VXN: variants seen among roughly 807,000 people sequenced by gnomAD.
VXN encodes vexin.
VXN carries 7 observed loss-of-function variants against 23.1 expected under a neutral mutation model. That is an observed-to-expected ratio of 0.30 (90% CI 0.17 to 0.57). VXN has a LOEUF of 0.57. Ranked by LOEUF, VXN falls within the 20% of genes least tolerant of loss-of-function variation. The pLI, the probability that VXN is intolerant of heterozygous loss-of-function variation, is 0.91. For missense variants in VXN, 238 were observed against 272.6 expected (o/e 0.87, Z 0.89); for synonymous variants, 120 against 105.8 (o/e 1.13, Z -0.83).
chr8:66,501,412 G>C (rs1375707405), intron 2 of VXN: 2 of 152,138 alleles, frequency 1.3e-5, no homozygotes, highest in Non-Finnish European at 2.9e-5. Context: ...TCCTTCTCAT[G>C]GTCCCTGAAA....
In VXN at chr8:66,516,223, A is replaced by G. The variant is rs1807894284; in HGVS notation, c.*147A>G. 3.2e-6 allele frequency: 2 copies of G among 628,182 alleles called. No individual in the cohort carries two copies. Among genetic ancestry groups the G allele is most frequent in the Non-Finnish European group, 5.0e-6 (2 of 398,578 alleles). 38.9% of individuals were successfully genotyped at this position (628,182 alleles called of 1,614,324 possible). ...CCTCACTCATTGATTACCCTGGGAT[A>G]GGGCACAGGAAAGAAATGTCCCTCG... On this transcript the variant is annotated 3_prime_UTR_variant, in exon 6 of 6. Transcript: ENST00000305454.
chr8:66,509,485 G>A (rs972367748), intron 3 of VXN, among the ~76,000 whole-genome samples: 4 of 152,136 alleles, frequency 2.6e-5, no homozygotes, highest in African/African-American at 7.2e-5. Flanking sequence ...TCCATGTTAT[G>A]GGGCTGCACT....
chr8:66,505,487 G>A lies in VXN; in HGVS notation c.239G>A (p.Arg80Gln), dbSNP rs1412366613. 2 of 1,565,058 alleles carry A rather than the reference G, an allele frequency of 1.3e-6. No homozygotes were observed. The highest frequency in any genetic ancestry group is 2.3e-5 in the East Asian group (1 of 43,344). ...AGGTTTGGGCGGCTCCAGACCGCGCGGCCGCCCACAGCCCACCCGGCCAAA... is the reference window on the plus strand; with the variant it reads ...AGGTTTGGGCGGCTCCAGACCGCGCAGCCGCCCACAGCCCACCCGGCCAAA... ...RRRFGRLQTA[R>Q]PPTAHPAKAS... The change falls in exon 3 of 6, where the codon CGG (arginine) becomes CAG (glutamine). Residue 80 changes from arginine (R) to glutamine (Q), a missense_variant. Around this residue, in one of 2 missense-constraint regions of VXN, gnomAD observed 223 missense variants for 236.9 expected, o/e 0.94. Transcript: ENST00000305454.
chr8:66,502,643 A>T lies in VXN; in HGVS notation c.127-2732A>T, dbSNP rs543461042. On this transcript the variant is annotated intron_variant, in intron 2 of 5. Transcript: ENST00000305454. ...GCGCCTGTAGTCCTAGCTACTTGAG[A>T]GGCTGAGGCAGGAGAATTGCCTGAA... Among the ~76,000 whole-genome samples, 127 of 152,240 alleles carry T rather than the reference A, an allele frequency of 8.3e-4. 2 individuals carry two copies. The highest frequency in any genetic ancestry group is 1.7e-3 in the South Asian group (8 of 4,820).
intron 2 of VXN, among the ~76,000 whole-genome samples, chr8:66,502,879 C>T (rs1258043807): frequency 6.6e-6 from 1 of 150,908 alleles, no homozygotes; most frequent in Non-Finnish European, 1.5e-5. Flanking sequence ...TGGGGTCTCA[C>T]TCTGTCCCCC....
At chr8:66,510,331 TG>T (rs987769184) in intron 4 of VXN, 174 bp downstream of exon 4, 9 of 586,922 alleles carry the variant, frequency 1.5e-5, no homozygotes, top group African/African-American at 1.5e-4. Flanking sequence ...GGCCCTAATT[TG>T]TACCCTTGTG....
Position 66,513,524 on chromosome 8 carries a change from C to A in VXN, c.343-16C>A. ...GCAGATGCATCCTCACACTCCCTCC[C>A]GCTTCCTCATGACAGATACCGCCAG... On this transcript the variant is annotated splice_polypyrimidine_tract_variant and intron_variant, in intron 4 of 5. Coordinates refer to ENST00000305454, the MANE Select transcript of VXN (RefSeq NM_152765.4). 6.2e-7 allele frequency: 1 copy of A among 1,610,988 alleles called. No homozygotes were observed. Among genetic ancestry groups the A allele is most frequent in the Non-Finnish European group, 8.5e-7 (1 of 1,177,214 alleles).
intron 3 of VXN, among the ~76,000 whole-genome samples, chr8:66,506,405 C>T (rs1230318022): frequency 1.3e-5 from 2 of 151,560 alleles, no homozygotes; most frequent in South Asian, 2.1e-4. Context: ...TATAGTTTTA[C>T]CTTGGATGCT....
Position 66,517,751 on chromosome 8 carries a change from T to C in VXN, c.*1675T>C, listed in dbSNP as rs1807914101. 1 of 152,272 alleles carries C rather than the reference T, an allele frequency of 6.6e-6. No homozygotes were observed. Among genetic ancestry groups the C allele is most frequent in the Non-Finnish European group, 1.5e-5 (1 of 68,038 alleles). 9.4% of individuals were successfully genotyped at this position (152,272 alleles called of 1,614,324 possible). On this transcript the variant is annotated 3_prime_UTR_variant, in exon 6 of 6. Transcript: ENST00000305454. Reference sequence around the variant, plus strand: ...GCCCACTTAATAAAACCAGAGATCCTATGGGAAATTTAGCCTAAGACAGTG... The same window carrying C: ...GCCCACTTAATAAAACCAGAGATCCCATGGGAAATTTAGCCTAAGACAGTG...
In VXN at chr8:66,516,088, T is replaced by C; in HGVS notation, c.*12T>C. 6.3e-7 allele frequency: 1 copy of C among 1,594,980 alleles called. No homozygotes were observed. Among genetic ancestry groups the C allele is most frequent in the Non-Finnish European group, 8.5e-7 (1 of 1,173,600 alleles). ...TTGAGGCCGACTAAAGGTGACCCTCTTCAAGTGCCCTGTGTTGGCCAAGGT... is the reference window on the plus strand; with the variant it reads ...TTGAGGCCGACTAAAGGTGACCCTCCTCAAGTGCCCTGTGTTGGCCAAGGT... On this transcript the variant is annotated 3_prime_UTR_variant, in exon 6 of 6. Transcript: ENST00000305454.
At chr8:66,504,138 C>T (rs1444965662) in intron 2 of VXN, among the ~76,000 whole-genome samples, 1 of 152,158 alleles carries the variant, frequency 6.6e-6, no homozygotes, top group Non-Finnish European at 1.5e-5. Context: ...TCCCCATTCT[C>T]CCTCCCCACT....
intron 5 of VXN, 66 bp downstream of exon 5, chr8:66,513,703 A>G (rs1390315906): frequency 7.2e-7 from 1 of 1,395,764 alleles, no homozygotes. Flanking sequence ...CCTTCCCCAG[A>G]AGAGCACCAG....
chr8:66,510,369 C>G, intron 4 of VXN: 1 of 511,352 alleles, frequency 2.0e-6, no homozygotes, highest in Non-Finnish European at 3.4e-6. Flanking sequence ...TTCTCTCTTT[C>G]TTGTGAGAAA....
At chr8:66,515,843 T>C in intron 5 of VXN, 50 bp from the exon 6 acceptor site, 1 of 1,466,934 alleles carries the variant, frequency 6.8e-7, no homozygotes, top group Non-Finnish European at 9.1e-7. Context: ...AAAATGAAGT[T>C]TGGCTTGTGA....
chr8:66,517,546 G>A lies in VXN; in HGVS notation c.*1470G>A, dbSNP rs1406587101. 6.6e-6 allele frequency: 1 copy of A among 152,226 alleles called. No individual in the cohort carries two copies. The highest frequency in any genetic ancestry group is 1.5e-5 in the Non-Finnish European group (1 of 68,038). The allele number at this position is 152,226 out of a possible 1,614,324, so 9.4% of individuals were successfully genotyped here. A position where few individuals can be genotyped will look rare whatever the true frequency, so the allele number is the denominator to read the frequency against. On this transcript the variant is annotated 3_prime_UTR_variant, in exon 6 of 6. Transcript: ENST00000305454. ...ATCCCAAACACTAAACATGATTGAT[G>A]GGTAGAGGCTGCCCGAAGTACTGTG...
In VXN at chr8:66,512,065, CAAAAAAAAAA is replaced by C. The variant is rs35689084; in HGVS notation, c.343-1466_343-1457del. On this transcript the variant is annotated intron_variant, in intron 4 of 5. Coordinates refer to ENST00000305454, the MANE Select transcript of VXN (RefSeq NM_152765.4). ...GGGAAACAAGAGTGAAACTCAGTTT[CAAAAAAAAAA>C]AAAAAAAAGAATGAAGAGGAAGAGG... is the stretch of plus-strand genomic sequence containing the variant. Among the ~76,000 whole-genome samples the C allele has an allele frequency of 1.5e-3, 102 of 68,336 alleles. 2 individuals carry two copies. The highest frequency in any genetic ancestry group is 7.6e-3 in the Admixed American group (51 of 6,734). 44.8% of individuals were successfully genotyped at this position (68,336 alleles called of 152,430 possible).
At chr8:66,499,237 T>C (rs1807662195) in intron 2 of VXN, among the ~76,000 whole-genome samples, 1 of 149,568 alleles carries the variant, frequency 6.7e-6, no homozygotes, top group Non-Finnish European at 1.5e-5. Flanking sequence ...TTTTTTTTTT[T>C]TTTTTTGGCG....
intron 5 of VXN, among the ~76,000 whole-genome samples, chr8:66,515,033 A>G (rs1051592978): frequency 1.3e-5 from 2 of 152,126 alleles, no homozygotes; most frequent in Admixed American, 6.5e-5. Flanking sequence ...AAACAAAAAA[A>G]TTTTCTTTGA....
At chr8:66,498,426 T>C (rs1482553610) in intron 2 of VXN, among the ~76,000 whole-genome samples, 2 of 152,222 alleles carry the variant, frequency 1.3e-5, no homozygotes, top group Non-Finnish European at 2.9e-5. Context: ...TACATGTAAA[T>C]GTATACATGT....
Sources: allele counts gnomAD v4.1 joint callset (sites outside exome capture counted in the v4.1 genomes callset), GRCh38; gene constraint gnomAD v4.1.1; regional missense constraint gnomAD v4.1.1; transcripts MANE v1.5; gene names NCBI Gene and HGNC (gene_info 2026-07-23, HGNC 2026-07-21).